Variants in SH3BGRL2 observed in about 807,000 individuals in gnomAD.
The protein encoded by SH3BGRL2 is SH3 domain-binding glutamic acid-rich-like protein 2.
In SH3BGRL2, 21 loss-of-function variants were observed where a neutral mutation model predicts 14.8. The ratio of observed to expected loss-of-function variants is 1.42; its 90% CI spans 1.01 to 2.05. SH3BGRL2 has a LOEUF of 2.05. Ranked by LOEUF, SH3BGRL2 falls within the 30% of genes most tolerant of loss-of-function variation. SH3BGRL2 has a pLI of 0.00. For missense variants in SH3BGRL2, 147 were observed against 130.8 expected (o/e 1.12, Z -0.61); for synonymous variants, 50 against 47.8 (o/e 1.05, Z -0.19).
chr6:79,589,181 G>T, the SH3BGRL2 span, among the ~76,000 whole-genome samples: 1 of 144,586 alleles, frequency 6.9e-6, no homozygotes, highest in Non-Finnish European at 1.5e-5. Flanking sequence ...CAGTACAGGT[G>T]AAATTATCCT....
At position 79,701,618 on chromosome 6, in the gene SH3BGRL2, T is replaced by C. The variant is rs1432964166; in HGVS notation, c.*2109T>C. ...CCCCACCCCATTTTTTTTTTTTTTT[T>C]TTTGATCAGCAAAGAAATACAGGAG... is the stretch of plus-strand genomic sequence containing the variant. On this transcript the variant is annotated 3_prime_UTR_variant, in exon 4 of 4. Transcript: ENST00000369838. 6.6e-6 allele frequency: 1 copy of C among 150,904 alleles called. No individual in the cohort carries two copies. The highest frequency in any genetic ancestry group is 1.5e-5 in the Non-Finnish European group (1 of 67,828). 9.3% of individuals were successfully genotyped at this position (150,904 alleles called of 1,614,324 possible).
intron 1 of SH3BGRL2, among the ~76,000 whole-genome samples, chr6:79,672,510 G>A (rs1769793709): frequency 6.6e-6 from 1 of 151,932 alleles, no homozygotes; most frequent in Non-Finnish European, 1.5e-5. Context: ...TCATAACAAT[G>A]TTAACAGTAC....
chr6:79,699,493 T>TTTTTTTTGG lies in SH3BGRL2; in HGVS notation c.313-5_313-4insTTTTTTTGG. On this transcript the variant is annotated splice_polypyrimidine_tract_variant and splice_region_variant and intron_variant, in intron 3 of 3. Coordinates refer to ENST00000369838, the MANE Select transcript of SH3BGRL2 (RefSeq NM_031469.4). ...TTTTTTTTTTTTTTTTTTTTTTTTT[T>TTTTTTTTGG]ATAGGCAGAACCTTAGAGAAGAAGA... The TTTTTTTTGG allele has an allele frequency of 7.1e-7, 1 of 1,407,118 alleles. No individual in the cohort carries two copies. The highest frequency in any genetic ancestry group is 1.7e-5 in the African/African-American group (1 of 57,546). 87.2% of individuals were successfully genotyped at this position (1,407,118 alleles called of 1,614,324 possible). A position where few individuals can be genotyped will look rare whatever the true frequency, so the allele number is the denominator to read the frequency against.
the SH3BGRL2 span, among the ~76,000 whole-genome samples, chr6:79,599,553 T>A: frequency 6.6e-6 from 1 of 152,058 alleles, no homozygotes; most frequent in Non-Finnish European, 1.5e-5. Flanking sequence ...GCATTTTTAG[T>A]AGAGATGTGG....
At chr6:79,651,263 A>G (rs6939807) in intron 1 of SH3BGRL2, among the ~76,000 whole-genome samples, 68,993 of 151,984 alleles carry the variant, frequency 0.45, 16,565 homozygotes, top group Non-Finnish European at 0.53. Flanking sequence ...TTTTGCTGTA[A>G]CTGGTCTTCT....
chr6:79,696,388 A>G, intron 2 of SH3BGRL2, 97 bp from the exon 3 acceptor site: 2 of 855,182 alleles, frequency 2.3e-6, no homozygotes, highest in Non-Finnish European at 3.7e-6. Context: ...GAGCAATGGT[A>G]CATTTTTTAC....
intron 1 of SH3BGRL2, among the ~76,000 whole-genome samples, chr6:79,653,011 A>T (rs1562148083): frequency 6.6e-6 from 1 of 152,194 alleles, no homozygotes; most frequent in Non-Finnish European, 1.5e-5. Flanking sequence ...TTATTAACAA[A>T]ATCAATTAAG....
chr6:79,597,335 A>G, the SH3BGRL2 span, among the ~76,000 whole-genome samples: 2 of 149,542 alleles, frequency 1.3e-5, no homozygotes, highest in African/African-American at 4.9e-5. Flanking sequence ...AAAAGAAAAG[A>G]AAAAAGAAAA....
At chr6:79,621,926 A>G in the SH3BGRL2 span, among the ~76,000 whole-genome samples, 1 of 152,078 alleles carries the variant, frequency 6.6e-6, no homozygotes, top group African/African-American at 2.4e-5. Context: ...GGATGATGGT[A>G]TAAAGATGCC....
Position 79,702,601 on chromosome 6 carries a change from C to T in SH3BGRL2, c.*3092C>T, listed in dbSNP as rs975291320. 6.6e-6 allele frequency: 1 copy of T among 152,184 alleles called. No homozygotes were observed. The highest frequency in any genetic ancestry group is 1.5e-5 in the Non-Finnish European group (1 of 68,030). 9.4% of individuals were successfully genotyped at this position (152,184 alleles called of 1,614,324 possible). ...TTGAGAGGCTGTGATTTTACTCTTG[C>T]CTGTGAACCTCATGCATGAAAGCAG... On this transcript the variant is annotated 3_prime_UTR_variant, in exon 4 of 4. Coordinates refer to ENST00000369838, the MANE Select transcript of SH3BGRL2 (RefSeq NM_031469.4).
the SH3BGRL2 span, among the ~76,000 whole-genome samples, chr6:79,554,019 AT>A: frequency 3.9e-5 from 6 of 151,928 alleles, no homozygotes; most frequent in Admixed American, 3.3e-4. Flanking sequence ...GTCTGACCCC[AT>A]TTTTTAAGGA....
intron 1 of SH3BGRL2, among the ~76,000 whole-genome samples, chr6:79,650,104 A>C (rs942548024): frequency 6.6e-6 from 1 of 151,954 alleles, no homozygotes; most frequent in Non-Finnish European, 1.5e-5. Flanking sequence ...AGATATAGAG[A>C]AATTTGAGGT....
At chr6:79,652,919 A>G (rs938597465) in intron 1 of SH3BGRL2, among the ~76,000 whole-genome samples, 1 of 152,206 alleles carries the variant, frequency 6.6e-6, no homozygotes, top group Non-Finnish European at 1.5e-5. Flanking sequence ...TGTTTAATCT[A>G]CAATGTAACA....
At chr6:79,695,459 C>G (rs1770311767) in intron 2 of SH3BGRL2, among the ~76,000 whole-genome samples, 1 of 152,168 alleles carries the variant, frequency 6.6e-6, no homozygotes, top group South Asian at 2.1e-4. Flanking sequence ...GTTGGCTTGG[C>G]TTAACAATGG....
At chr6:79,611,659 A>G in the SH3BGRL2 span, among the ~76,000 whole-genome samples, 3 of 151,946 alleles carry the variant, frequency 2.0e-5, no homozygotes, top group Non-Finnish European at 4.4e-5. Flanking sequence ...TGATCTGCCC[A>G]CCTCGGCCTC....
At chr6:79,699,362 A>C in intron 3 of SH3BGRL2, 136 bp from the exon 4 acceptor site, 1 of 1,021,098 alleles carries the variant, frequency 9.8e-7, no homozygotes, top group African/African-American at 1.6e-5. Context: ...CTTATCAATC[A>C]CATGGAGGTG....
chr6:79,601,794 C>T, the SH3BGRL2 span, among the ~76,000 whole-genome samples: 1 of 152,054 alleles, frequency 6.6e-6, no homozygotes, highest in African/African-American at 2.4e-5. Context: ...TGGGGGAATC[C>T]CTGAAAATTC....
intron 2 of SH3BGRL2, among the ~76,000 whole-genome samples, chr6:79,693,342 C>G (rs1438086148): frequency 4.0e-5 from 6 of 151,466 alleles, no homozygotes; most frequent in Non-Finnish European, 4.4e-5. Context: ...AATTGAATAC[C>G]CTTTATTTCT....
chr6:79,659,929 G>C (rs147231679), intron 1 of SH3BGRL2, among the ~76,000 whole-genome samples: 17 of 152,242 alleles, frequency 1.1e-4, no homozygotes, highest in African/African-American at 4.1e-4. Context: ...CTCGTGATTT[G>C]GCTCTCTGTT....
Sources: allele counts gnomAD v4.1 joint callset (sites outside exome capture counted in the v4.1 genomes callset), GRCh38; gene constraint gnomAD v4.1.1; transcripts MANE v1.5; gene names NCBI Gene and HGNC (gene_info 2026-07-23, HGNC 2026-07-21).